The following RAB28 variants were observed in gnomAD, a reference collection of about 807,000 sequenced individuals.
RAB28 encodes ras-related protein Rab-28.
A neutral mutation model predicts 31.7 loss-of-function variants in RAB28; 24 were observed. That is an observed-to-expected ratio of 0.76 (90% confidence interval 0.55 to 1.06). RAB28 has a LOEUF of 1.06. Among genes scored for constraint, RAB28 ranks in the 50% least tolerant of loss-of-function variants. The probability of loss-of-function intolerance (pLI) is 0.00; values close to 1 mark genes in which losing one functional copy is unlikely to be tolerated. For synonymous variants in RAB28, 100 were observed against 90.4 expected (o/e 1.11, Z -0.60); for missense variants, 254 against 258.5 (o/e 0.98, Z 0.12).
chr4:13,372,742 G>A (rs903048534), intron 6 of RAB28, among the ~76,000 whole-genome samples: 54 of 152,058 alleles, frequency 3.6e-4, no homozygotes, highest in African/African-American at 1.3e-3. Context: ...AGAATCTGAG[G>A]AAGATCAACA....
intron 4 of RAB28, among the ~76,000 whole-genome samples, chr4:13,406,576 C>T (rs1712103792): frequency 6.6e-6 from 1 of 152,190 alleles, no homozygotes; most frequent in South Asian, 2.1e-4. Flanking sequence ...GGAATCGCCA[C>T]ACTGTCTTCC....
intron 4 of RAB28, among the ~76,000 whole-genome samples, chr4:13,416,222 C>CT (rs777945245): frequency 2.0e-5 from 3 of 152,134 alleles, no homozygotes; most frequent in African/African-American, 7.2e-5. Context: ...TTCTTTCACT[C>CT]TTTGCAATAA....
intron 4 of RAB28, among the ~76,000 whole-genome samples, chr4:13,395,536 T>C (rs910039735): frequency 1.3e-5 from 2 of 152,100 alleles, no homozygotes; most frequent in African/African-American, 4.8e-5. Flanking sequence ...AAGTATACAA[T>C]TACTTTTCTT....
intron 4 of RAB28, among the ~76,000 whole-genome samples, chr4:13,445,660 G>A (rs777413400): frequency 2.0e-4 from 31 of 151,574 alleles, no homozygotes; most frequent in Non-Finnish European, 4.1e-4. Flanking sequence ...TCAAGACCCT[G>A]TTCGCCTGGG....
intron 4 of RAB28, among the ~76,000 whole-genome samples, chr4:13,415,858 G>A (rs1712745292): frequency 6.6e-6 from 1 of 152,224 alleles, no homozygotes; most frequent in African/African-American, 2.4e-5. Context: ...GACTGGTGGG[G>A]ACTTGGAGAA....
intron 6 of RAB28, among the ~76,000 whole-genome samples, chr4:13,376,307 T>C (rs536176642): frequency 2.1e-4 from 32 of 152,246 alleles, no homozygotes; most frequent in Non-Finnish European, 3.8e-4. Flanking sequence ...AATTTTCTTA[T>C]ACTAGTATCT....
intron 4 of RAB28, among the ~76,000 whole-genome samples, chr4:13,428,410 T>G (rs149356353): frequency 1.7e-3 from 261 of 152,232 alleles, no homozygotes; most frequent in African/African-American, 5.9e-3. Flanking sequence ...CAAGACTCAA[T>G]AAAAGGGTAT....
At chr4:13,408,502 T>C (rs1305817960) in intron 4 of RAB28, among the ~76,000 whole-genome samples, 1 of 152,170 alleles carries the variant, frequency 6.6e-6, no homozygotes, top group Non-Finnish European at 1.5e-5. Flanking sequence ...TGCCAGGTTT[T>C]GGTATCAGGA....
At chr4:13,392,347 A>C (rs1729675865) in intron 4 of RAB28, among the ~76,000 whole-genome samples, 3 of 152,184 alleles carry the variant, frequency 2.0e-5, no homozygotes. Flanking sequence ...AAAATGTCCT[A>C]ACAGTAAAAT....
chr4:13,479,575 T>C (rs1396406064), intron 1 of RAB28, 49 bp from the exon 2 acceptor site: 1 of 1,189,868 alleles, frequency 8.4e-7, no homozygotes. Flanking sequence ...TAAAGAAATG[T>C]AATCATAAGA....
chr4:13,369,828 C>T, intron 6 of RAB28: 1 of 1,549,974 alleles, frequency 6.5e-7, no homozygotes, highest in Non-Finnish European at 8.7e-7. Context: ...CAATGGTTCT[C>T]CCTTCCCACC....
In RAB28 at chr4:13,482,593, A is replaced by G. The variant is rs1460842756; in HGVS notation, c.75+1483T>C. Among the ~76,000 whole-genome samples, 3 of 152,220 alleles carry G rather than the reference A, an allele frequency of 2.0e-5. No individual in the cohort carries two copies. In the East Asian group the frequency reaches 5.8e-4, roughly 29 times the overall value. ...AAACTTTTTATTGAATAAAGGTGTTAGAAACAATGATTTATTTATAGCAAT... is the reference window on the plus strand; with the variant it reads ...AAACTTTTTATTGAATAAAGGTGTTGGAAACAATGATTTATTTATAGCAAT... On this transcript the variant is annotated intron_variant, in intron 1 of 6. Transcript: ENST00000330852.
chr4:13,413,983 G>T (rs1712604169), intron 4 of RAB28, among the ~76,000 whole-genome samples: 1 of 152,150 alleles, frequency 6.6e-6, no homozygotes, highest in Non-Finnish European at 1.5e-5. Context: ...GCACAAATAT[G>T]AGCATATGAC....
chr4:13,412,183 G>A lies in RAB28; in HGVS notation c.392-30589C>T, dbSNP rs893901964. Among the ~76,000 whole-genome samples, 131 of 152,238 alleles carry A rather than the reference G, an allele frequency of 8.6e-4. 1 individual carries two copies. The highest frequency in any genetic ancestry group is 3.0e-3 in the African/African-American group (124 of 41,546). ...AGAAAGGATGACTATGGTTAAGAGC[G>A]TAAAAGCTAACAGAGGAGAGCTATC... On this transcript the variant is annotated intron_variant, in intron 4 of 6. Transcript: ENST00000330852.
At chr4:13,436,914 T>C (rs1033252416) in intron 4 of RAB28, among the ~76,000 whole-genome samples, 3 of 152,048 alleles carry the variant, frequency 2.0e-5, no homozygotes, top group African/African-American at 7.2e-5. Context: ...AAAGTAATCA[T>C]AAGCAAAAAG....
chr4:13,374,140 C>T (rs1359858110), intron 6 of RAB28, among the ~76,000 whole-genome samples: 1 of 152,026 alleles, frequency 6.6e-6, no homozygotes, highest in Non-Finnish European at 1.5e-5. Context: ...TTGCTATACA[C>T]AAAGAATTTT....
At chr4:13,382,812 C>T (rs1729190902) in intron 4 of RAB28, among the ~76,000 whole-genome samples, 1 of 151,138 alleles carries the variant, frequency 6.6e-6, no homozygotes, top group Non-Finnish European at 1.5e-5. Flanking sequence ...AATTCTCCTG[C>T]CTCAGCCTCC....
rs28406867 is a variant in RAB28 at position 13,381,613 on chromosome 4, A to G, written c.392-19T>C. 36,582 of 1,562,666 alleles carry G rather than the reference A, an allele frequency of 0.023. 611 individuals are homozygous for G. Among genetic ancestry groups the G allele is most frequent in the African/African-American group, 0.081 (5,959 of 73,188 alleles). On this transcript the variant is annotated intron_variant, in intron 4 of 6. Coordinates refer to ENST00000330852, the MANE Select transcript of RAB28 (RefSeq NM_001017979.3). ...AAATCAACTAGAAAGGTGTTAAAGA[A>G]AGAAAATAATTCAATATTAGAGTCT... is the stretch of plus-strand genomic sequence containing the variant.
intron 4 of RAB28, among the ~76,000 whole-genome samples, chr4:13,448,260 T>C (rs1340365331): frequency 6.6e-6 from 1 of 152,130 alleles, no homozygotes; most frequent in Non-Finnish European, 1.5e-5. Context: ...TCTGTGTTCT[T>C]TATTTGATAC....
Sources: allele counts gnomAD v4.1 joint callset (sites outside exome capture counted in the v4.1 genomes callset), GRCh38; gene constraint gnomAD v4.1.1; transcripts MANE v1.5; gene names NCBI Gene and HGNC (gene_info 2026-07-23, HGNC 2026-07-21).